Variants in GFOD1 observed in about 807,000 individuals in gnomAD.
The protein encoded by GFOD1 is glucose-fructose oxidoreductase domain-containing protein 1.
A neutral mutation model predicts 25.4 loss-of-function variants in GFOD1; 9 were observed. The ratio of observed to expected loss-of-function variants is 0.35; its 90% CI spans 0.21 to 0.62. GFOD1 has a LOEUF of 0.62. GFOD1 is among the 20% of genes least tolerant of loss of function. The probability of loss-of-function intolerance (pLI) is 0.72; values close to 1 mark genes in which losing one functional copy is unlikely to be tolerated. For synonymous variants in GFOD1, 253 were observed against 245.6 expected (o/e 1.03, Z -0.28); for missense variants, 403 against 556.9 (o/e 0.72, Z 2.78).
At chr6:13,371,012 T>C (rs573925594) in intron 1 of GFOD1, among the ~76,000 whole-genome samples, 2 of 152,202 alleles carry the variant, frequency 1.3e-5, no homozygotes, top group African/African-American at 2.4e-5. Context: ...TGTCTTAGCA[T>C]AGGAGAAAGC....
intron 1 of GFOD1, among the ~76,000 whole-genome samples, chr6:13,482,207 T>C (rs1002573689): frequency 6.7e-6 from 1 of 148,676 alleles, no homozygotes; most frequent in African/African-American, 2.4e-5. Context: ...TGTAAAGATA[T>C]AAATATACAT....
At chr6:13,397,975 G>C (rs513791) in intron 1 of GFOD1, among the ~76,000 whole-genome samples, 98,614 of 152,098 alleles carry the variant, frequency 0.65, 32,995 homozygotes, top group South Asian at 0.74. Flanking sequence ...CATCTTCTTT[G>C]CCCTGTCCTT....
chr6:13,487,298 C>G lies in GFOD1; in HGVS notation c.-408G>C, dbSNP rs1758895481. On this transcript the variant is annotated 5_prime_UTR_variant, in exon 1 of 2. Transcript: ENST00000379287. This position sits in a 1 kb window ranked among gnomAD's most constrained non-coding sequence, Gnocchi z 4.9. ...GCGGCCGCGCCGCCGCAGCCCGGGA[C>G]CGGCTCTCTCCCGCGTCGTTTGCGC... 5.4e-6 allele frequency: 1 copy of G among 184,780 alleles called. No homozygotes were observed. The highest frequency in any genetic ancestry group is 1.1e-5 in the Non-Finnish European group (1 of 90,602). 11.4% of individuals were successfully genotyped at this position (184,780 alleles called of 1,614,324 possible). A position where few individuals can be genotyped will look rare whatever the true frequency, so the allele number is the denominator to read the frequency against.
rs1287535854 is a variant in GFOD1, at chr6:13,430,927, T to C, written c.253+55711A>G. Among the ~76,000 whole-genome samples the C allele has an allele frequency of 6.6e-6, 1 of 152,240 alleles. No individual in the cohort carries two copies. Among genetic ancestry groups the C allele is most frequent in the Non-Finnish European group, 1.5e-5 (1 of 68,046 alleles). The stretch of plus-strand genomic sequence containing the variant: ...TGCCCTCTCTACAGTCCAGCCATCA[T>C]ACGAATGCCTTATATGTGCTTCATC... On this transcript the variant is annotated intron_variant, in intron 1 of 1. Transcript: ENST00000379287. The surrounding 1 kb of genome is among the most constrained non-coding windows in gnomAD (Gnocchi z 4.1).
At chr6:13,397,092 C>T (rs561027440) in intron 1 of GFOD1, among the ~76,000 whole-genome samples, 2 of 152,240 alleles carry the variant, frequency 1.3e-5, no homozygotes, top group East Asian at 3.9e-4. Context: ...AGAGAAGGGA[C>T]AAGAGCACCC....
chr6:13,387,097 C>T (rs1479672780), intron 1 of GFOD1, among the ~76,000 whole-genome samples: 1 of 152,200 alleles, frequency 6.6e-6, no homozygotes, highest in Non-Finnish European at 1.5e-5. Flanking sequence ...CACTCAGTTA[C>T]ATAGGCATAC....
intron 1 of GFOD1, among the ~76,000 whole-genome samples, chr6:13,483,031 A>G (rs1758787744): frequency 6.6e-6 from 1 of 152,052 alleles, no homozygotes; most frequent in Non-Finnish European, 1.5e-5. Flanking sequence ...CTCCTGTCCA[A>G]AGACAGGGAC....
intron 1 of GFOD1, among the ~76,000 whole-genome samples, chr6:13,368,321 T>C (rs1785085709): frequency 1.3e-5 from 2 of 152,198 alleles, no homozygotes; most frequent in Non-Finnish European, 2.9e-5. Context: ...GGCCATGAAA[T>C]AGCAGTGAGA....
chr6:13,432,816 G>GCATCTGTCTCCCCTTCCTACA (rs1757772624), intron 1 of GFOD1, among the ~76,000 whole-genome samples: 1 of 152,126 alleles, frequency 6.6e-6, no homozygotes, highest in South Asian at 2.1e-4. Context: ...TGTCTCCTGT[G>GCATCTGTCTCCCCTTCCTACA]CATCTGTCTC....
intron 1 of GFOD1, among the ~76,000 whole-genome samples, chr6:13,373,868 C>T (rs1440364075): frequency 6.6e-6 from 1 of 151,630 alleles, no homozygotes; most frequent in Non-Finnish European, 1.5e-5. Context: ...CCCTCTGTCC[C>T]TTCCTCCATA....
At chr6:13,469,475 A>G in intron 1 of GFOD1, 4 of 991,294 alleles carry the variant, frequency 4.0e-6, no homozygotes, top group Non-Finnish European at 4.8e-6. Context: ...CCCCGTTTCT[A>G]TACTTTGTCA....
In GFOD1 at chr6:13,363,781, C is replaced by G. The variant is rs1784986989; in HGVS notation, c.*962G>C. The G allele has an allele frequency of 6.6e-6, 1 of 152,044 alleles. No homozygotes were observed. The highest frequency in any genetic ancestry group is 1.5e-5 in the Non-Finnish European group (1 of 68,030). 9.4% of individuals were successfully genotyped at this position (152,044 alleles called of 1,614,324 possible). On this transcript the variant is annotated 3_prime_UTR_variant, in exon 2 of 2. Transcript: ENST00000379287. ...ACTGAGGCACACAGCTCTCCCCAGT[C>G]TTTGGGGGCAGCATATGAGCTTATG...
intron 1 of GFOD1, among the ~76,000 whole-genome samples, chr6:13,444,003 AC>A (rs1209494511): frequency 1.3e-5 from 2 of 152,132 alleles, no homozygotes; most frequent in East Asian, 3.8e-4. Context: ...CAGCAATCCC[AC>A]TACGGGTATA....
rs868379957 is a variant in GFOD1, at chr6:13,475,736, A to G, written c.253+10902T>C. On this transcript the variant is annotated intron_variant, in intron 1 of 1. Coordinates refer to ENST00000379287, the MANE Select transcript of GFOD1 (RefSeq NM_018988.4). ...CCATCTCAAAATAATAATAATAATA[A>G]TAATAATAATAATAATAATAATAAT... is the stretch of plus-strand genomic sequence containing the variant. 7.5e-4 allele frequency among the ~76,000 whole-genome samples: 80 copies of G among 106,804 alleles called. 2 individuals carry two copies. In the East Asian group the frequency reaches 0.014, roughly 18 times the overall value. 70.1% of individuals were successfully genotyped at this position (106,804 alleles called of 152,430 possible). A position where few individuals can be genotyped will look rare whatever the true frequency, so the allele number is the denominator to read the frequency against.
At chr6:13,479,788 A>C (rs1299635028) in intron 1 of GFOD1, among the ~76,000 whole-genome samples, 1 of 152,238 alleles carries the variant, frequency 6.6e-6, no homozygotes, top group Non-Finnish European at 1.5e-5. Context: ...AATAATGCCC[A>C]AGGGCTTCCT....
intron 1 of GFOD1, among the ~76,000 whole-genome samples, chr6:13,453,686 G>T (rs565649930): frequency 3.9e-5 from 6 of 152,226 alleles, no homozygotes; most frequent in Non-Finnish European, 1.5e-5. Flanking sequence ...TACAATATGC[G>T]AAGTATTCTT....
At chr6:13,370,399 G>C (rs1047490708) in intron 1 of GFOD1, among the ~76,000 whole-genome samples, 1 of 152,180 alleles carries the variant, frequency 6.6e-6, no homozygotes, top group African/African-American at 2.4e-5. Flanking sequence ...ATTCTTAAAG[G>C]CTTTGGGACA....
intron 1 of GFOD1, among the ~76,000 whole-genome samples, chr6:13,463,215 G>C (rs553388909): frequency 2.0e-5 from 3 of 152,310 alleles, no homozygotes; most frequent in Admixed American, 6.5e-5. Context: ...GGTGGGGCTG[G>C]CAGCCCCTGG....
chr6:13,483,630 C>T (rs1310225500), intron 1 of GFOD1, among the ~76,000 whole-genome samples: 1 of 152,080 alleles, frequency 6.6e-6, no homozygotes, highest in African/African-American at 2.4e-5. Flanking sequence ...GGGGAACAGA[C>T]ACAGAGAGTT....
Sources: allele counts gnomAD v4.1 joint callset (sites outside exome capture counted in the v4.1 genomes callset), GRCh38; gene constraint gnomAD v4.1.1; non-coding constraint Gnocchi (gnomAD v3.1); transcripts MANE v1.5; gene names NCBI Gene and HGNC (gene_info 2026-07-23, HGNC 2026-07-21).